The following MICU1 variants were observed in gnomAD, a reference collection of about 807,000 sequenced individuals.
The protein encoded by MICU1 is calcium uptake protein 1, mitochondrial.
Under a neutral mutation model 56.8 loss-of-function variants are expected in MICU1, and 45 were observed. That is an observed-to-expected ratio of 0.79 (90% confidence interval 0.62 to 1.02). MICU1 has a LOEUF of 1.02. Ranked by LOEUF, MICU1 falls within the 50% of genes least tolerant of loss-of-function variation. The pLI is 0.00. For synonymous variants in MICU1, 186 were observed against 195.1 expected, an observed-to-expected ratio of 0.95 and a Z score of 0.39; for missense variants, 504 against 587.1, an observed-to-expected ratio of 0.86 and a Z score of 1.46.
At chr10:72,567,108 G>C (rs377575638) in intron 1 of MICU1, among the ~76,000 whole-genome samples, 3 of 152,156 alleles carry the variant, frequency 2.0e-5, no homozygotes, top group African/African-American at 7.2e-5. Flanking sequence ...TAGCACTTTG[G>C]GAGGCCAAAG....
At chr10:72,512,107 G>GTTTTTTTTTTTTTTTTT (rs869183579) in intron 5 of MICU1, among the ~76,000 whole-genome samples, 2 of 29,506 alleles carry the variant, frequency 6.8e-5, no homozygotes, top group African/African-American at 1.9e-4. Context: ...GTTGTTTTTT[G>GTTTTTTTTTTTTTTTTT]TTTTTTTTTT....
At chr10:72,456,946 GGTGTGTGTGTGTGTGTGTGT>G (rs71018292) in intron 8 of MICU1, among the ~76,000 whole-genome samples, 1 of 117,790 alleles carries the variant, frequency 8.5e-6, no homozygotes, top group Non-Finnish European at 1.7e-5. Context: ...ATATTGCCCA[GGTGTGTGTGTGTGTGTGTGT>G]GTGTGTGTGT....
intron 6 of MICU1, among the ~76,000 whole-genome samples, chr10:72,486,966 C>T (rs1866494686): frequency 6.6e-6 from 1 of 152,084 alleles, no homozygotes; most frequent in African/African-American, 2.4e-5. Context: ...GAAAAAAGCC[C>T]CTATCAGAGC....
chr10:72,476,775 T>A (rs1265093869), intron 7 of MICU1, among the ~76,000 whole-genome samples: 1 of 152,172 alleles, frequency 6.6e-6, no homozygotes, highest in East Asian at 1.9e-4. Context: ...TAGTCAAAAA[T>A]GGTATGGCAC....
At chr10:72,404,559 A>G (rs1863567448) in intron 10 of MICU1, among the ~76,000 whole-genome samples, 1 of 152,204 alleles carries the variant, frequency 6.6e-6, no homozygotes, top group Non-Finnish European at 1.5e-5. Flanking sequence ...TTAAAAAAGA[A>G]AGAGAATTCA....
chr10:72,609,441 G>C (rs766355291), intron 1 of MICU1, among the ~76,000 whole-genome samples: 1 of 152,096 alleles, frequency 6.6e-6, no homozygotes, highest in Non-Finnish European at 1.5e-5. Flanking sequence ...AGGAGTTTAA[G>C]ACTAGCTTGA....
chr10:72,415,686 C>A (rs546109818), intron 9 of MICU1, among the ~76,000 whole-genome samples: 2 of 152,168 alleles, frequency 1.3e-5, no homozygotes, highest in Non-Finnish European at 2.9e-5. Flanking sequence ...GGTCTTCCAC[C>A]ATCTGCTTCC....
At chr10:72,526,486 G>A (rs1335642751) in intron 5 of MICU1, among the ~76,000 whole-genome samples, 1 of 151,952 alleles carries the variant, frequency 6.6e-6, no homozygotes, top group African/African-American at 2.4e-5. Flanking sequence ...AGTAGAGTTA[G>A]GGTTTCACCA....
At chr10:72,421,680 C>CA (rs113347888) in intron 9 of MICU1, among the ~76,000 whole-genome samples, 1 of 152,294 alleles carries the variant, frequency 6.6e-6, no homozygotes, top group African/African-American at 2.4e-5. Flanking sequence ...CAAGGCTGCT[C>CA]AAAAAACTCT....
intron 1 of MICU1, among the ~76,000 whole-genome samples, chr10:72,596,535 A>T (rs1841386359): frequency 6.6e-6 from 1 of 152,136 alleles, no homozygotes; most frequent in African/African-American, 2.4e-5. Flanking sequence ...AACAAATTTG[A>T]TGTTATATGT....
intron 1 of MICU1, among the ~76,000 whole-genome samples, chr10:72,568,773 G>A (rs1220426783): frequency 1.0e-5 from 1 of 95,376 alleles, no homozygotes; most frequent in Admixed American, 1.6e-4. Flanking sequence ...TTTTTTTTGA[G>A]ACTGAGTCTT....
At chr10:72,518,135 C>T (rs1037623491) in intron 5 of MICU1, among the ~76,000 whole-genome samples, 2 of 151,540 alleles carry the variant, frequency 1.3e-5, no homozygotes, top group East Asian at 3.9e-4. Flanking sequence ...CAGGTTCAAG[C>T]GATTCTCCTG....
intron 8 of MICU1, among the ~76,000 whole-genome samples, chr10:72,448,103 T>C (rs1178900746): frequency 6.9e-6 from 1 of 144,862 alleles, no homozygotes; most frequent in Non-Finnish European, 1.5e-5. Flanking sequence ...TTGGGCACCA[T>C]GGAAAAAGTT....
chr10:72,608,529 A>G (rs988517750), intron 1 of MICU1, among the ~76,000 whole-genome samples: 3 of 152,220 alleles, frequency 2.0e-5, no homozygotes, highest in African/African-American at 7.2e-5. Flanking sequence ...GCAAATTAAA[A>G]CCAATTAAAA....
chr10:72,390,039 G>T (rs575541952), intron 10 of MICU1, among the ~76,000 whole-genome samples: 1 of 152,112 alleles, frequency 6.6e-6, no homozygotes, highest in Non-Finnish European at 1.5e-5. Context: ...ATGGAGAAAG[G>T]TTCTTTCTTC....
At chr10:72,380,613 C>T (rs1027861371) in intron 10 of MICU1, among the ~76,000 whole-genome samples, 10 of 152,246 alleles carry the variant, frequency 6.6e-5, no homozygotes, top group Admixed American at 5.9e-4. Flanking sequence ...CCCAAATGTC[C>T]ACTTGGAATC....
chr10:72,455,178 C>T (rs754247129), intron 8 of MICU1, among the ~76,000 whole-genome samples: 3 of 151,714 alleles, frequency 2.0e-5, no homozygotes, highest in African/African-American at 2.4e-5. Context: ...GGCGAAACCC[C>T]GTTTCTACTG....
At chr10:72,493,073 T>C (rs68064289) in intron 6 of MICU1, among the ~76,000 whole-genome samples, 8,673 of 152,274 alleles carry the variant, frequency 0.057, 372 homozygotes, top group Non-Finnish European at 0.092. Context: ...GCCAAAATTG[T>C]GCCATTGCAC....
At chr10:72,506,233 A>C (rs1049841837) in intron 6 of MICU1, among the ~76,000 whole-genome samples, 1 of 152,196 alleles carries the variant, frequency 6.6e-6, no homozygotes, top group African/African-American at 2.4e-5. Flanking sequence ...ACAAGCTTTT[A>C]AGTGGTTAAG....
Sources: allele counts gnomAD v4.1 joint callset (sites outside exome capture counted in the v4.1 genomes callset), GRCh38; gene constraint gnomAD v4.1.1; transcripts MANE v1.5; gene names NCBI Gene and HGNC (gene_info 2026-07-23, HGNC 2026-07-21).